Variants in DENND1B observed in about 807,000 individuals in gnomAD.
DENND1B encodes DENN domain-containing protein 1B.
A neutral mutation model predicts 90.1 loss-of-function variants in DENND1B; 59 were observed. That is an observed-to-expected ratio of 0.65 (90% CI 0.53 to 0.81). The LOEUF (loss-of-function observed/expected upper bound fraction) is 0.81. Ranked by LOEUF, DENND1B falls within the 40% of genes least tolerant of loss-of-function variation. The pLI is 0.00. For synonymous variants in DENND1B, 337 were observed against 324.6 expected (o/e 1.04, Z -0.41); for missense variants, 862 against 912.6 (o/e 0.94, Z 0.71).
chr1:197,714,331 C>G (rs1660414760), intron 3 of DENND1B, among the ~76,000 whole-genome samples: 1 of 152,046 alleles, frequency 6.6e-6, no homozygotes. Context: ...GTATTATTTA[C>G]CATATATTAC....
At chr1:197,593,061 T>G (rs1277790065) in intron 14 of DENND1B, among the ~76,000 whole-genome samples, 1 of 151,326 alleles carries the variant, frequency 6.6e-6, no homozygotes, top group African/African-American at 2.4e-5. Context: ...TAAAAAAAGG[T>G]CTAAGTAAAG....
intron 14 of DENND1B, among the ~76,000 whole-genome samples, chr1:197,584,480 T>C (rs936873930): frequency 6.6e-6 from 1 of 152,166 alleles, no homozygotes; most frequent in South Asian, 2.1e-4. Context: ...AGCACAGATA[T>C]AGAACATTTC....
chr1:197,684,914 C>T (rs1657072034), intron 3 of DENND1B, among the ~76,000 whole-genome samples: 1 of 151,908 alleles, frequency 6.6e-6, no homozygotes, highest in Non-Finnish European at 1.5e-5. Context: ...GTCAAGAGTT[C>T]GAGACCAGCC....
intron 10 of DENND1B, among the ~76,000 whole-genome samples, chr1:197,638,958 AAAT>A (rs1398196812): frequency 6.6e-6 from 1 of 152,214 alleles, no homozygotes; most frequent in Non-Finnish European, 1.5e-5. Flanking sequence ...CCACACTTTA[AAAT>A]ATAGGGAGAA....
At chr1:197,685,117 C>CA (rs1238457725) in intron 3 of DENND1B, among the ~76,000 whole-genome samples, 1 of 151,846 alleles carries the variant, frequency 6.6e-6, no homozygotes, top group African/African-American at 2.4e-5. Context: ...GACTCCATCT[C>CA]AAAAAACAAA....
chr1:197,640,271 G>A (rs1366372290), intron 10 of DENND1B, among the ~76,000 whole-genome samples: 1 of 151,970 alleles, frequency 6.6e-6, no homozygotes, highest in East Asian at 1.9e-4. Context: ...TTAGGAGTTC[G>A]AGACCAGCCT....
intron 2 of DENND1B, among the ~76,000 whole-genome samples, chr1:197,720,134 T>G (rs1038928046): frequency 2.6e-5 from 4 of 152,222 alleles, no homozygotes; most frequent in Non-Finnish European, 5.9e-5. Flanking sequence ...ATACCTTTTT[T>G]GACGTGTGCT....
At chr1:197,765,578 C>T (rs1469284437) in intron 2 of DENND1B, among the ~76,000 whole-genome samples, 1 of 152,132 alleles carries the variant, frequency 6.6e-6, no homozygotes, top group Non-Finnish European at 1.5e-5. Flanking sequence ...AAAAGCACAT[C>T]AGGAACATAT....
At chr1:197,547,843 G>A (rs1304655516) in intron 16 of DENND1B, among the ~76,000 whole-genome samples, 1 of 151,838 alleles carries the variant, frequency 6.6e-6, no homozygotes, top group African/African-American at 2.4e-5. Context: ...AAAAAACCCT[G>A]CAGATCTTTA....
chr1:197,617,600 A>G, intron 11 of DENND1B, 59 bp downstream of exon 11: 2 of 1,277,208 alleles, frequency 1.6e-6, no homozygotes, highest in Non-Finnish European at 2.3e-6. Flanking sequence ...GTTCACAAAT[A>G]AACAGATAAT....
intron 2 of DENND1B, among the ~76,000 whole-genome samples, chr1:197,727,311 G>C (rs1472712641): frequency 6.6e-6 from 1 of 152,050 alleles, no homozygotes. Context: ...CAAGGAAGGT[G>C]GACCATGAGG....
chr1:197,517,482 A>G (rs1321256825), intron 20 of DENND1B, among the ~76,000 whole-genome samples: 1 of 151,824 alleles, frequency 6.6e-6, no homozygotes, highest in Non-Finnish European at 1.5e-5. Context: ...CCTTTACAAG[A>G]AACACTTTTC....
intron 3 of DENND1B, among the ~76,000 whole-genome samples, chr1:197,696,902 A>G (rs564942765): frequency 1.3e-5 from 2 of 151,324 alleles, no homozygotes; most frequent in Non-Finnish European, 3.0e-5. Flanking sequence ...GCAAAAAAAA[A>G]AAAAATGAAA....
chr1:197,511,021 A>T, intron 22 of DENND1B, 49 bp from the exon 23 acceptor site: 1 of 1,425,466 alleles, frequency 7.0e-7, no homozygotes, highest in Admixed American at 2.8e-5. Flanking sequence ...AATAAGCATT[A>T]ATTTAGTTCT....
In DENND1B at chr1:197,720,523, G is replaced by A. The variant is rs114567364; in HGVS notation, c.83-5449C>T. Among the ~76,000 whole-genome samples the A allele has an allele frequency of 5.1e-3, 772 of 151,856 alleles. 6 individuals are homozygous for A. Among genetic ancestry groups the A allele is most frequent in the African/African-American group, 0.017 (711 of 41,376 alleles). On this transcript the variant is annotated intron_variant, in intron 2 of 22. Transcript: ENST00000620048. ...CCCAAAGTGCTAGGATTACAGGTGC[G>A]AGCCAACATACTCAGACTTACCATA...
chr1:197,572,688 G>C (rs1228078923), intron 15 of DENND1B, among the ~76,000 whole-genome samples: 1 of 152,156 alleles, frequency 6.6e-6, no homozygotes, highest in Non-Finnish European at 1.5e-5. Flanking sequence ...ATACAGGCAG[G>C]TACCCCGCTG....
rs1044393727 is a variant in DENND1B, at chr1:197,734,260, C to T, written c.83-19186G>A. On this transcript the variant is annotated intron_variant, in intron 2 of 22. Coordinates refer to ENST00000620048, the MANE Select transcript of DENND1B (RefSeq NM_001195215.2). ...ACCAAACCATTCTTATAAAAACTAT[C>T]TGTAAATTTTTTAACCTGTAAAAAG... The T allele has an allele frequency of 1.2e-4, 109 of 911,018 alleles. 1 individual carries two copies. The Middle Eastern group carries it at 1.7e-3, about 14-fold the overall frequency. 56.4% of individuals were successfully genotyped at this position (911,018 alleles called of 1,614,324 possible).
At chr1:197,564,152 T>A (rs1672410838) in intron 15 of DENND1B, among the ~76,000 whole-genome samples, 2 of 151,858 alleles carry the variant, frequency 1.3e-5, no homozygotes, top group Admixed American at 6.6e-5. Context: ...TAAACTTAGT[T>A]GATTAAGCAG....
At chr1:197,522,447 C>T (rs1030369583) in intron 20 of DENND1B, among the ~76,000 whole-genome samples, 4 of 152,102 alleles carry the variant, frequency 2.6e-5, no homozygotes, top group Non-Finnish European at 4.4e-5. Context: ...CCAATTCTCC[C>T]AGTCCATAGT....
Sources: allele counts gnomAD v4.1 joint callset (sites outside exome capture counted in the v4.1 genomes callset), GRCh38; gene constraint gnomAD v4.1.1; transcripts MANE v1.5; gene names NCBI Gene and HGNC (gene_info 2026-07-23, HGNC 2026-07-21).